FGFR1: variants seen among roughly 807,000 people sequenced by gnomAD.
The protein encoded by FGFR1 is fibroblast growth factor receptor 1, also known as FGFR1/PLAG1 fusion.
A neutral mutation model predicts 93.7 loss-of-function variants in FGFR1; 18 were observed. The ratio of observed to expected loss-of-function variants is 0.19; its 90% CI spans 0.13 to 0.28. FGFR1 has a LOEUF of 0.28. Ranked by LOEUF, FGFR1 falls within the 10% of genes least tolerant of loss-of-function variation. The pLI, the probability that FGFR1 is intolerant of heterozygous loss-of-function variation, is 1.00. For synonymous variants in FGFR1, 448 were observed against 429.3 expected (o/e 1.04, Z -0.54); for missense variants, 731 against 1,080.4 (o/e 0.68, Z 4.53).
At position 38,411,625 on chromosome 8, in the gene FGFR1, T is replaced by C. The variant is rs1814438775; in HGVS notation, c.*2003A>G. On this transcript the variant is annotated 3_prime_UTR_variant, in exon 18 of 18. Coordinates refer to ENST00000447712, the MANE Select transcript of FGFR1 (RefSeq NM_023110.3). ...AAAACATATTGAACTTTCTTTTGTA[T>C]TTAGCAGTAATCCAGCAAAATATAA... The C allele has an allele frequency of 4.4e-6, 1 of 229,292 alleles. No homozygotes were observed. The highest frequency in any genetic ancestry group is 2.2e-5 in the African/African-American group (1 of 45,130). The allele number at this position is 229,292 out of a possible 1,614,324, so 14.2% of individuals were successfully genotyped here.
chr8:38,413,178 G>A lies in FGFR1; in HGVS notation c.*450C>T, dbSNP rs1043211884. ...CAGAGGTCACCTTCAATCGAGGCAC[G>A]AAGCACTGACCTCCCTACTGCTGTA... On this transcript the variant is annotated 3_prime_UTR_variant, in exon 18 of 18. Coordinates refer to ENST00000447712, the MANE Select transcript of FGFR1 (RefSeq NM_023110.3). The surrounding 1 kb of genome is among the most constrained non-coding windows in gnomAD (Gnocchi z 4.2). The A allele has an allele frequency of 1.2e-5, 3 of 250,462 alleles. No individual in the cohort carries two copies. The highest frequency in any genetic ancestry group is 2.3e-5 in the Non-Finnish European group (3 of 128,818). 15.5% of individuals were successfully genotyped at this position (250,462 alleles called of 1,614,324 possible).
chr8:38,461,666 G>T (rs1834435307), intron 1 of FGFR1, among the ~76,000 whole-genome samples: 1 of 151,986 alleles, frequency 6.6e-6, no homozygotes. Context: ...TTCCACTTAT[G>T]ATCTTGCCAC....
At position 38,426,230 on chromosome 8, in the gene FGFR1, A is replaced by C. The variant is rs17851623; in HGVS notation, c.637T>G (p.Trp213Gly). ...ACCACAGAGTCCATTATGATGCTCC[A>C]GGTGGCATAACGGACCTGAGGGGAA... is the stretch of plus-strand genomic sequence containing the variant. ...IGGYKVRYAT[W>G]SIIMDSVVPS... The change falls in exon 6 of 18, where the codon TGG becomes GGG. Residue 213 changes from tryptophan (W) to glycine (G), a missense_variant. Around this residue, in one of 10 missense-constraint regions of FGFR1, gnomAD observed 109 missense variants for 249.4 expected, o/e 0.44. Transcript: ENST00000447712. This position sits in a 1 kb window ranked among gnomAD's most constrained non-coding sequence, Gnocchi z 4.1. The C allele has an allele frequency of 6.2e-7, 1 of 1,614,194 alleles. No homozygotes were observed. The highest frequency in any genetic ancestry group is 8.5e-7 in the Non-Finnish European group (1 of 1,180,032).
rs1248996380 is a variant in FGFR1, at chr8:38,413,520, C to T, written c.*108G>A. On this transcript the variant is annotated 3_prime_UTR_variant, in exon 18 of 18. Transcript: ENST00000447712. The surrounding 1 kb of genome is among the most constrained non-coding windows in gnomAD (Gnocchi z 4.2). ...GAAGGCCCCTGGTAGGCAGCCGGCTCCTGCCAGCAGGAAAGGGGACAGGGA... is the reference window on the plus strand; with the variant it reads ...GAAGGCCCCTGGTAGGCAGCCGGCTTCTGCCAGCAGGAAAGGGGACAGGGA... 2.3e-6 allele frequency: 3 copies of T among 1,320,296 alleles called. No individual in the cohort carries two copies. Among genetic ancestry groups the T allele is most frequent in the African/African-American group, 2.9e-5 (2 of 68,096 alleles). 81.8% of individuals were successfully genotyped at this position (1,320,296 alleles called of 1,614,324 possible).
At chr8:38,415,600 T>C (rs909203822) in intron 13 of FGFR1, among the ~76,000 whole-genome samples, 29 of 152,082 alleles carry the variant, frequency 1.9e-4, no homozygotes, top group African/African-American at 6.5e-4. Flanking sequence ...ATTTGAAGAA[T>C]TTTAAGATGC....
At chr8:38,465,355 G>GAA (rs1835272342) in intron 1 of FGFR1, 1 of 232,686 alleles carries the variant, frequency 4.3e-6, no homozygotes. Context: ...AGCAGGCAGT[G>GAA]AAGTACGCAG....
In FGFR1 at chr8:38,428,442, G is replaced by A. The variant is rs749216266; in HGVS notation, c.359-7C>T. On this transcript the variant is annotated splice_polypyrimidine_tract_variant and splice_region_variant and intron_variant, in intron 3 of 17. Coordinates refer to ENST00000447712, the MANE Select transcript of FGFR1 (RefSeq NM_023110.3). Reference sequence around the variant, plus strand: ...TCCGAGGAGGGGAGAGCATCTATGGGAAGAAGAAGGGGCACTGAGGTTCCT... The same window carrying A: ...TCCGAGGAGGGGAGAGCATCTATGGAAAGAAGAAGGGGCACTGAGGTTCCT... 1.9e-5 allele frequency: 31 copies of A among 1,608,012 alleles called. No individual in the cohort carries two copies. In the Admixed American group the frequency reaches 5.2e-4, roughly 27 times the overall value.
intron 6 of FGFR1, among the ~76,000 whole-genome samples, chr8:38,425,623 C>T (rs1435329725): frequency 6.6e-6 from 1 of 152,218 alleles, no homozygotes; most frequent in Non-Finnish European, 1.5e-5. Context: ...CAATGTTCTT[C>T]CCAGAGTCTC....
rs1033144873 is a variant in FGFR1 at position 38,457,552 on chromosome 8, A to C, written c.-88-18T>G. 13 of 1,560,948 alleles carry C rather than the reference A, an allele frequency of 8.3e-6. No homozygotes were observed. The highest frequency in any genetic ancestry group is 9.5e-6 in the Non-Finnish European group (11 of 1,155,356). On this transcript the variant is annotated intron_variant, in intron 1 of 17. Coordinates refer to ENST00000447712, the MANE Select transcript of FGFR1 (RefSeq NM_023110.3). ...AACTGACCCTGAGGAAAGGAAAAAA[A>C]CCCCAAAAGTTAGGAGGGTCTAGGT...
chr8:38,414,078 C>T (rs2150526598), intron 16 of FGFR1, 55 bp from the exon 17 acceptor site: 1 of 1,613,908 alleles, frequency 6.2e-7, no homozygotes, highest in Non-Finnish European at 8.5e-7. Flanking sequence ...ACTCTCTAGT[C>T]TAGCCCCCTG....
At chr8:38,416,208 A>AC in intron 12 of FGFR1, 148 bp from the exon 13 acceptor site, 1 of 695,576 alleles carries the variant, frequency 1.4e-6, no homozygotes. Context: ...CCATTCTACT[A>AC]CCCAAAAAAA....
At position 38,426,014 on chromosome 8, in the gene FGFR1, A is replaced by T; in HGVS notation, c.745+108T>A. ...CAAGGTGACAAAGCCAAGAAGTGCC[A>T]ATCGCTATCCTGACTCTGCCCCTAA... On this transcript the variant is annotated intron_variant, in intron 6 of 17. Transcript: ENST00000447712. The surrounding 1 kb of genome is among the most constrained non-coding windows in gnomAD (Gnocchi z 4.1). The T allele has an allele frequency of 6.7e-7, 1 of 1,489,948 alleles. No homozygotes were observed. Among genetic ancestry groups the T allele is most frequent in the Non-Finnish European group, 9.3e-7 (1 of 1,073,654 alleles). The allele number at this position is 1,489,948 out of a possible 1,614,324, so 92.3% of individuals were successfully genotyped here.
chr8:38,462,393 A>C (rs1834599674), intron 1 of FGFR1, among the ~76,000 whole-genome samples: 1 of 151,474 alleles, frequency 6.6e-6, no homozygotes, highest in Non-Finnish European at 1.5e-5. Context: ...AGTCCCAGCT[A>C]CTCAGGAGGC....
intron 6 of FGFR1, among the ~76,000 whole-genome samples, chr8:38,425,538 G>A (rs1258255190): frequency 6.6e-6 from 1 of 152,172 alleles, no homozygotes; most frequent in African/African-American, 2.4e-5. Context: ...GAGAGATTCT[G>A]TACCCAATGA....
Position 38,413,760 on chromosome 8 carries a change from G to C in FGFR1, c.2337C>G (p.Ser779Arg), listed in dbSNP as rs773808959. The stretch of plus-strand genomic sequence containing the variant: ...ACGTAGAGCTCCGGGTGTCGGGAAA[G>C]CTGGGGGAGTACTGGTCCAGGGGCA... ...LSMPLDQYSPSFPDTRSSTCS... is the reference protein window; with the variant it reads ...LSMPLDQYSPRFPDTRSSTCS... Residue 779 changes from serine (S) to arginine (R), a missense_variant, in exon 18 of 18, where the codon AGC becomes AGG. Ser to Arg is a moderately radical substitution (Grantham distance 110, BLOSUM62 -1). Transcript: ENST00000447712. The surrounding 1 kb of genome is among the most constrained non-coding windows in gnomAD (Gnocchi z 4.2). 6.2e-7 allele frequency: 1 copy of C among 1,614,150 alleles called. No homozygotes were observed. The highest frequency in any genetic ancestry group is 1.3e-5 in the African/African-American group (1 of 75,052).
At chr8:38,447,118 C>T (rs879656475) in intron 2 of FGFR1, among the ~76,000 whole-genome samples, 92 of 144,856 alleles carry the variant, frequency 6.4e-4, no homozygotes, top group Non-Finnish European at 6.4e-4. Flanking sequence ...CACACACACA[C>T]ACACACACAC....
chr8:38,418,757 G>A (rs1458764520), intron 9 of FGFR1: 2 of 324,176 alleles, frequency 6.2e-6, no homozygotes, highest in Non-Finnish European at 1.2e-5. Flanking sequence ...GCTTCTGAGG[G>A]AACGGTCATT....
intron 8 of FGFR1, among the ~76,000 whole-genome samples, chr8:38,421,107 C>CA (rs151072759): frequency 9.2e-5 from 14 of 152,312 alleles, no homozygotes; most frequent in African/African-American, 3.4e-4. Context: ...CGAGAGACAG[C>CA]AGCAAGCCCT....
chr8:38,448,471 G>T (rs994004493), intron 2 of FGFR1, among the ~76,000 whole-genome samples: 17 of 152,058 alleles, frequency 1.1e-4, no homozygotes, highest in Admixed American at 5.9e-4. Flanking sequence ...GTAGAGACAG[G>T]GTTTCGCCAG....
Sources: gnomAD v4.1 joint callset for allele counts (sites outside exome capture counted in the v4.1 genomes callset) on GRCh38, gnomAD v4.1.1 for gene constraint, gnomAD v4.1.1 regional missense constraint, Gnocchi (gnomAD v3.1) non-coding constraint, MANE v1.5 for transcripts, NCBI Gene and HGNC (gene_info 2026-07-23, HGNC 2026-07-21) for gene names.